Variants in SH3BP1 observed in about 807,000 individuals in gnomAD.
SH3BP1 encodes the protein SH3 domain binding protein 1.
A neutral mutation model predicts 69.8 loss-of-function variants in SH3BP1; 46 were observed. The observed-to-expected ratio is 0.66, with a 90% CI of 0.52 to 0.84. The LOEUF is 0.84. SH3BP1 is among the 40% of genes least tolerant of loss of function. The pLI is 0.00. For synonymous variants in SH3BP1, 403 were observed against 378.0 expected (o/e 1.07, Z -0.77); for missense variants, 868 against 930.9 (o/e 0.93, Z 0.88).
At position 37,641,169 on chromosome 22, in the gene SH3BP1, G is replaced by A; in HGVS notation, c.102+1G>A. Reference sequence around the variant, plus strand: ...GTTCCTGGGTGAGGACCTGCTGCAGGTACGTGCCTGGGCCGGGCAGGTGGG... The same window carrying A: ...GTTCCTGGGTGAGGACCTGCTGCAGATACGTGCCTGGGCCGGGCAGGTGGG... On this transcript the variant is annotated splice_donor_variant, in intron 2 of 17. Coordinates refer to ENST00000649765, the MANE Select transcript of SH3BP1 (RefSeq NM_018957.6). LOFTEE classifies it high-confidence loss of function. The A allele has an allele frequency of 6.5e-7, 1 of 1,549,648 alleles. No homozygotes were observed. Among genetic ancestry groups the A allele is most frequent in the Non-Finnish European group, 8.7e-7 (1 of 1,146,824 alleles).
At chr22:37,644,256 G>A (rs1400941340) in intron 7 of SH3BP1, among the ~76,000 whole-genome samples, 1 of 152,134 alleles carries the variant, frequency 6.6e-6, no homozygotes, top group African/African-American at 2.4e-5. Context: ...GCGGGCGCCT[G>A]TAATCCCAGC....
chr22:37,641,131 C>T lies in SH3BP1; in HGVS notation c.65C>T (p.Pro22Leu), dbSNP rs376923613. 78 of 1,541,686 alleles carry T rather than the reference C, an allele frequency of 5.1e-5. No homozygotes were observed. Among genetic ancestry groups the T allele is most frequent in the South Asian group, 2.0e-4 (17 of 83,486 alleles). The change falls in exon 2 of 18, where the codon CCG becomes CTG. Residue 22 changes from proline (P) to leucine (L), a missense_variant. By Grantham distance (98) the Pro-to-Leu change is moderately conservative (BLOSUM62 -3). Transcript: ENST00000649765. ...LAQTGSLGRT[P>L]ETAEFLGEDL... is the part of the protein sequence containing the mutation. ...CCCCCCACCACTCCCCGCAGCACCC[C>T]GGAGACCGCTGAGTTCCTGGGTGAG...
At position 37,648,422 on chromosome 22, in the gene SH3BP1, C is replaced by G; in HGVS notation, c.1303C>G (p.Pro435Ala). 1 of 1,565,976 alleles carries G rather than the reference C, an allele frequency of 6.4e-7. No homozygotes were observed. Among genetic ancestry groups the G allele is most frequent in the Middle Eastern group, 1.7e-4 (1 of 6,004 alleles). The change falls in exon 14 of 18, where the codon CCT (proline) becomes GCT (alanine). Residue 435 changes from proline (P) to alanine (A), a missense_variant. By Grantham distance (27) the Pro-to-Ala change is conservative. Coordinates refer to ENST00000649765, the MANE Select transcript of SH3BP1 (RefSeq NM_018957.6). ...CCTGGGACCCAACTTGCTGTGGCCACCTGAGAAAGAAGGGTGAGGGGCCGC... is the reference window on the plus strand; with the variant it reads ...CCTGGGACCCAACTTGCTGTGGCCAGCTGAGAAAGAAGGGTGAGGGGCCGC... ...IVLGPNLLWP[P>A]EKEGDQAQLD...
chr22:37,641,113 C>CCCCA lies in SH3BP1; in HGVS notation c.60-12_60-11insCCAC. ...AGAAGCACTCTCCCCCCCCCCCCCA[C>CCCCA]CACTCCCCGCAGCACCCCGGAGACC... On this transcript the variant is annotated splice_polypyrimidine_tract_variant and intron_variant, in intron 1 of 17. Coordinates refer to ENST00000649765, the MANE Select transcript of SH3BP1 (RefSeq NM_018957.6). 1 of 1,365,170 alleles carries CCCCA rather than the reference C, an allele frequency of 7.3e-7. No individual in the cohort carries two copies. The highest frequency in any genetic ancestry group is 1.6e-5 in the African/African-American group (1 of 61,660). 84.6% of individuals were successfully genotyped at this position (1,365,170 alleles called of 1,614,324 possible).
intron 8 of SH3BP1, 73 bp from the exon 9 acceptor site, chr22:37,644,797 G>T: frequency 2.5e-6 from 4 of 1,601,966 alleles, no homozygotes; most frequent in Non-Finnish European, 2.6e-6. Flanking sequence ...TGGAGGGGGC[G>T]TCTGCTCTCA....
rs1189676271 is a variant in SH3BP1, at chr22:37,639,746, C to T, written c.-42C>T. The stretch of plus-strand genomic sequence containing the variant: ...CTGGACCGGGGGCTCCCCGGGCCCG[C>T]GACCCCCGCCGTGACCCCGCAGCCC... On this transcript the variant is annotated 5_prime_UTR_variant, in exon 1 of 18. Transcript: ENST00000649765. 3.0e-6 allele frequency: 4 copies of T among 1,341,610 alleles called. No homozygotes were observed. Among genetic ancestry groups the T allele is most frequent in the Non-Finnish European group, 4.0e-6 (4 of 1,001,488 alleles). 83.1% of individuals were successfully genotyped at this position (1,341,610 alleles called of 1,614,324 possible). A position where few individuals can be genotyped will look rare whatever the true frequency, so the allele number is the denominator to read the frequency against.
chr22:37,655,762 C>G lies in SH3BP1; in HGVS notation c.*78C>G, dbSNP rs1933020458. ...CCCTCCCAGGACAGCTCTCGCCCCC[C>G]ACAAAGGGGCATGGGCCTCCAGCCT... is the stretch of plus-strand genomic sequence containing the variant. On this transcript the variant is annotated 3_prime_UTR_variant, in exon 18 of 18. Coordinates refer to ENST00000649765, the MANE Select transcript of SH3BP1 (RefSeq NM_018957.6). 6 of 1,446,066 alleles carry G rather than the reference C, an allele frequency of 4.1e-6. No homozygotes were observed. The African/African-American group carries it at 4.3e-5, about 10-fold the overall frequency. 89.6% of individuals were successfully genotyped at this position (1,446,066 alleles called of 1,614,324 possible).
At chr22:37,643,945 C>T (rs1221508080) in intron 7 of SH3BP1, among the ~76,000 whole-genome samples, 157 bp downstream of exon 7, 2 of 152,236 alleles carry the variant, frequency 1.3e-5, no homozygotes, top group African/African-American at 4.8e-5. Context: ...CTCGTAGCCT[C>T]TTCTGTCTGT....
chr22:37,642,986 C>G lies in SH3BP1; in HGVS notation c.376C>G (p.Pro126Ala), dbSNP rs748361378. 6.2e-6 allele frequency: 10 copies of G among 1,612,740 alleles called. No individual in the cohort carries two copies. The African/African-American group carries it at 1.3e-4, about 22-fold the overall frequency. ...GACCCTGGAGAGGGACGTCCTGCAG[C>G]CACTCAGCAGGCTGAGTGAGGTGAG... Reference protein sequence around the residue: ...EMTLERDVLQPLSRLSEEELP... With the variant: ...EMTLERDVLQALSRLSEEELP... Residue 126 changes from proline to alanine, a missense_variant, in exon 5 of 18, where the codon CCA (proline) becomes GCA (alanine). Physicochemically the swap from Pro to Ala is conservative, Grantham distance 27 (BLOSUM62 -1). Transcript: ENST00000649765.
chr22:37,646,884 C>A lies in SH3BP1; in HGVS notation c.991C>A (p.Pro331Thr). The A allele has an allele frequency of 1.3e-6, 2 of 1,563,768 alleles. No individual in the cohort carries two copies. The highest frequency in any genetic ancestry group is 8.6e-7 in the Non-Finnish European group (1 of 1,157,184). ...TCTCAAGCAGACAATGGCCTCGGAC[C>A]CCCACAGCCTGGAGGAGTTCTGCTC... ...KRLKQTMASD[P>T]HSLEEFCSDP... The change falls in exon 11 of 18, where the codon CCC becomes ACC. Residue 331 changes from proline (P) to threonine (T), a missense_variant. Coordinates refer to ENST00000649765, the MANE Select transcript of SH3BP1 (RefSeq NM_018957.6).
intron 4 of SH3BP1, 36 bp from the exon 5 acceptor site, chr22:37,642,858 AG>A (rs1932652526): frequency 1.2e-6 from 2 of 1,602,806 alleles, no homozygotes; most frequent in Non-Finnish European, 1.7e-6. Flanking sequence ...AGGTGAGGGC[AG>A]CGGGCGCCTG....
chr22:37,652,651 C>G (rs1418241740), intron 16 of SH3BP1, among the ~76,000 whole-genome samples: 1 of 150,634 alleles, frequency 6.6e-6, no homozygotes, highest in Non-Finnish European at 1.5e-5. Context: ...TGGTGAAATC[C>G]CATCTCTACT....
At chr22:37,653,034 G>A (rs143489403) in intron 16 of SH3BP1, among the ~76,000 whole-genome samples, 11 of 152,008 alleles carry the variant, frequency 7.2e-5, no homozygotes, top group Admixed American at 7.2e-4. Flanking sequence ...CTACTCAGGA[G>A]ACCAAGACAG....
At chr22:37,645,207 AGGCG>A (rs1438197522) in intron 9 of SH3BP1, among the ~76,000 whole-genome samples, 154 bp from the exon 10 acceptor site, 1 of 152,154 alleles carries the variant, frequency 6.6e-6, no homozygotes, top group Non-Finnish European at 1.5e-5. Context: ...GAGGCAGTGG[AGGCG>A]GGCTGATTCG....
Position 37,644,897 on chromosome 22 carries a change from C to A in SH3BP1, c.715C>A (p.Arg239Ser). 6.2e-7 allele frequency: 1 copy of A among 1,614,036 alleles called. No individual in the cohort carries two copies. Among genetic ancestry groups the A allele is most frequent in the Non-Finnish European group, 8.5e-7 (1 of 1,180,022 alleles). Residue 239 changes from arginine (R) to serine (S), a missense_variant, in exon 9 of 18, where the codon CGC becomes AGC. This residue lies in a region of SH3BP1 where 387 missense variants were observed against 447.9 expected (regional missense o/e 0.86). Coordinates refer to ENST00000649765, the MANE Select transcript of SH3BP1 (RefSeq NM_018957.6). ...RLLEIQADYHRRSLSSLDTAL... is the reference protein window; with the variant it reads ...RLLEIQADYHSRSLSSLDTAL... ...CCTGGAGATTCAGGCCGATTACCATCGCAGGTCACTGAGCTCGCTGGACAC... is the reference window on the plus strand; with the variant it reads ...CCTGGAGATTCAGGCCGATTACCATAGCAGGTCACTGAGCTCGCTGGACAC...
intron 14 of SH3BP1, among the ~76,000 whole-genome samples, chr22:37,649,679 G>T (rs1186982840): frequency 6.6e-6 from 1 of 152,126 alleles, no homozygotes; most frequent in Non-Finnish European, 1.5e-5. Context: ...AGCTACTCGG[G>T]AGGCTGAGGC....
intron 16 of SH3BP1, among the ~76,000 whole-genome samples, chr22:37,651,677 G>A (rs1008294865): frequency 2.6e-5 from 4 of 152,010 alleles, no homozygotes; most frequent in Non-Finnish European, 4.4e-5. Context: ...TCGTGGTACC[G>A]TGGTGCCTCC....
chr22:37,646,787 G>C, intron 10 of SH3BP1, 31 bp from the exon 11 acceptor site: 1 of 1,419,992 alleles, frequency 7.0e-7, no homozygotes, highest in Non-Finnish European at 9.4e-7. Flanking sequence ...CCACCCCTCT[G>C]TGACCCTTGC....
chr22:37,648,617 G>A, intron 14 of SH3BP1, 182 bp downstream of exon 14: 1 of 564,818 alleles, frequency 1.8e-6, no homozygotes, highest in Admixed American at 3.0e-5. Context: ...GGGCTTTGGA[G>A]AGAGGCAATT....
Sources: gnomAD v4.1 joint callset for allele counts (sites outside exome capture counted in the v4.1 genomes callset) on GRCh38, gnomAD v4.1.1 for gene constraint, gnomAD v4.1.1 regional missense constraint, MANE v1.5 for transcripts, NCBI Gene and HGNC (gene_info 2026-07-23, HGNC 2026-07-21) for gene names.